DLG2: variants seen among roughly 807,000 people sequenced by gnomAD.
DLG2 encodes the protein discs large MAGUK scaffold protein 2, also known as disks large homolog 2.
Under a neutral mutation model 132.5 loss-of-function variants are expected in DLG2, and 45 were observed. The ratio of observed to expected loss-of-function variants is 0.34; its 90% CI spans 0.27 to 0.44. The LOEUF (loss-of-function observed/expected upper bound fraction) is 0.44, where lower values mean the gene tolerates loss of function less well. Among genes scored for constraint, DLG2 ranks in the 20% least tolerant of loss-of-function variants. The pLI is 1.00. For missense variants in DLG2, 1,045 were observed against 1,196.9 expected (o/e 0.87, Z 1.87); for synonymous variants, 424 against 419.6 (o/e 1.01, Z -0.13).
At chr11:83,781,937 G>T (rs2094845855) in intron 18 of DLG2, among the ~76,000 whole-genome samples, 1 of 152,168 alleles carries the variant, frequency 6.6e-6, no homozygotes, top group Non-Finnish European at 1.5e-5. Flanking sequence ...TAATTAGGTT[G>T]TAATCAATTC....
intron 7 of DLG2, among the ~76,000 whole-genome samples, chr11:84,310,709 C>T (rs1177237191): frequency 6.6e-6 from 1 of 152,202 alleles, no homozygotes; most frequent in Non-Finnish European, 1.5e-5. Context: ...TCTTATTCTT[C>T]CTTGGTAAGG....
At chr11:85,033,804 C>T (rs1016240706) in intron 6 of DLG2, among the ~76,000 whole-genome samples, 2 of 152,112 alleles carry the variant, frequency 1.3e-5, no homozygotes, top group African/African-American at 4.8e-5. Flanking sequence ...AAGCAATCCT[C>T]CATGATTATC....
intron 7 of DLG2, among the ~76,000 whole-genome samples, chr11:84,417,775 C>T (rs1274885674): frequency 6.6e-6 from 1 of 152,024 alleles, no homozygotes; most frequent in Non-Finnish European, 1.5e-5. Flanking sequence ...TTTTCCCCAC[C>T]ATTTTATGTA....
chr11:83,895,145 C>CTTTTT (rs11287512), intron 15 of DLG2, among the ~76,000 whole-genome samples: 17 of 87,902 alleles, frequency 1.9e-4, no homozygotes, highest in East Asian at 3.6e-4. Context: ...GAACTACTGT[C>CTTTTT]TTTTTTTTTT....
chr11:83,878,268 C>T (rs1260682996), intron 15 of DLG2, among the ~76,000 whole-genome samples: 1 of 152,166 alleles, frequency 6.6e-6, no homozygotes, highest in Non-Finnish European at 1.5e-5. Flanking sequence ...GGTTGGCACA[C>T]AAAAGACCCT....
At chr11:84,877,512 CTTTTTTTTTTTT>C (rs60339036) in intron 6 of DLG2, among the ~76,000 whole-genome samples, 2 of 57,446 alleles carry the variant, frequency 3.5e-5, no homozygotes, top group Non-Finnish European at 5.8e-5. Context: ...GCAACCCCTG[CTTTTTTTTTTTT>C]TTTTTTTTTT....
chr11:83,567,428 T>G (rs1410747403), intron 19 of DLG2, among the ~76,000 whole-genome samples: 4 of 152,172 alleles, frequency 2.6e-5, no homozygotes, highest in Admixed American at 6.5e-5. Flanking sequence ...CATGTACTCA[T>G]GGGAAGATGT....
chr11:84,501,729 AT>A (rs1415229340), intron 7 of DLG2, among the ~76,000 whole-genome samples: 1 of 152,184 alleles, frequency 6.6e-6, no homozygotes, highest in African/African-American at 2.4e-5. Context: ...ATGAAAAAAA[AT>A]GGATTAATGT....
chr11:85,077,713 C>G (rs567766644), intron 6 of DLG2, among the ~76,000 whole-genome samples: 2 of 152,068 alleles, frequency 1.3e-5, no homozygotes, highest in Non-Finnish European at 2.9e-5. Flanking sequence ...CTATTTTTAT[C>G]TCTGTGTGGG....
intron 6 of DLG2, among the ~76,000 whole-genome samples, chr11:84,575,296 T>C (rs1053895867): frequency 6.6e-6 from 1 of 152,096 alleles, no homozygotes; most frequent in Non-Finnish European, 1.5e-5. Flanking sequence ...ATTAAATTAC[T>C]TATAGTTCCT....
chr11:85,027,911 T>C (rs994841116), intron 6 of DLG2, among the ~76,000 whole-genome samples: 2 of 152,162 alleles, frequency 1.3e-5, no homozygotes, highest in African/African-American at 2.4e-5. Context: ...GGGGGGTGTT[T>C]CAGCCCTGTT....
At chr11:84,108,324 C>T (rs1370446059) in intron 9 of DLG2, among the ~76,000 whole-genome samples, 1 of 152,060 alleles carries the variant, frequency 6.6e-6, no homozygotes, top group East Asian at 1.9e-4. Flanking sequence ...ATGATCAAGT[C>T]AGGGTACTTT....
In DLG2 at chr11:83,709,832, A is replaced by G. The variant is rs190262503; in HGVS notation, c.1826-76507T>C. 7.2e-5 allele frequency among the ~76,000 whole-genome samples: 11 copies of G among 152,334 alleles called. No individual in the cohort carries two copies. The East Asian group carries it at 2.1e-3, about 29-fold the overall frequency. ...TCCTGGTTACTTAGCAAAAGAAGGC[A>G]GGAGAAAGAAGGTTCTAAGCGTAAG... On this transcript the variant is annotated intron_variant, in intron 18 of 27. Coordinates refer to ENST00000376104, the MANE Select transcript of DLG2 (RefSeq NM_001142699.3).
chr11:84,329,833 T>C (rs988388068), intron 7 of DLG2, among the ~76,000 whole-genome samples: 8 of 152,332 alleles, frequency 5.3e-5, no homozygotes, highest in Non-Finnish European at 8.8e-5. Flanking sequence ...TATAATGTGA[T>C]AAAGCTTTGT....
At chr11:83,632,901 A>G (rs1163243343) in intron 19 of DLG2, 1 of 311,494 alleles carries the variant, frequency 3.2e-6, no homozygotes, top group African/African-American at 2.1e-5. Context: ...TGGTCCACAT[A>G]TGCCATTTAA....
intron 3 of DLG2, among the ~76,000 whole-genome samples, chr11:85,597,006 A>T (rs2079821439): frequency 6.6e-6 from 1 of 152,226 alleles, no homozygotes; most frequent in East Asian, 1.9e-4. Context: ...GGGCACTGGG[A>T]TTACTTACAT....
chr11:84,041,757 G>C (rs2096087676), intron 11 of DLG2, among the ~76,000 whole-genome samples: 1 of 151,738 alleles, frequency 6.6e-6, no homozygotes, highest in South Asian at 2.1e-4. Flanking sequence ...TTTGTATGTT[G>C]ATATGGTTTG....
intron 18 of DLG2, among the ~76,000 whole-genome samples, chr11:83,668,054 C>A (rs1317098136): frequency 2.6e-5 from 3 of 113,416 alleles, no homozygotes; most frequent in East Asian, 2.7e-4. Context: ...TTGCAATTTT[C>A]TGGGGAAATG....
At chr11:84,762,624 C>A (rs568484795) in intron 6 of DLG2, among the ~76,000 whole-genome samples, 1 of 152,176 alleles carries the variant, frequency 6.6e-6, no homozygotes, top group East Asian at 1.9e-4. Flanking sequence ...TACTTCTTTT[C>A]CACTACCCTG....
Sources: gnomAD v4.1 joint callset for allele counts (sites outside exome capture counted in the v4.1 genomes callset) on GRCh38, gnomAD v4.1.1 for gene constraint, MANE v1.5 for transcripts, NCBI Gene and HGNC (gene_info 2026-07-23, HGNC 2026-07-21) for gene names.